Variants in UBXN2B observed in about 807,000 individuals in gnomAD.
The protein encoded by UBXN2B is UBX domain protein 2B.
Under a neutral mutation model 37.5 loss-of-function variants are expected in UBXN2B, and 19 were observed. That is an observed-to-expected ratio of 0.51 (90% CI 0.35 to 0.74). UBXN2B has a LOEUF of 0.74. Ranked by LOEUF, UBXN2B falls within the 30% of genes least tolerant of loss-of-function variation. UBXN2B has a pLI of 0.01. For missense variants in UBXN2B, 370 were observed against 393.2 expected (o/e 0.94, Z 0.50); for synonymous variants, 145 against 143.8 (o/e 1.01, Z -0.06).
intron 6 of UBXN2B, among the ~76,000 whole-genome samples, chr8:58,443,857 GT>G (rs576205298): frequency 1.6e-4 from 24 of 152,174 alleles, no homozygotes; most frequent in Non-Finnish European, 3.5e-4. Flanking sequence ...TTTTAGGCTG[GT>G]TTTTTAATAC....
chr8:58,437,285 GTGA>G (rs1393389273), intron 5 of UBXN2B, among the ~76,000 whole-genome samples: 1 of 147,004 alleles, frequency 6.8e-6, no homozygotes, highest in Non-Finnish European at 1.5e-5. Flanking sequence ...GAACTAAAGA[GTGA>G]TGATCTAGGG....
chr8:58,439,616 TC>T lies in UBXN2B; in HGVS notation c.534-11del, dbSNP rs751930484. The T allele has an allele frequency of 1.3e-6, 2 of 1,587,764 alleles. No homozygotes were observed. Among genetic ancestry groups the T allele is most frequent in the African/African-American group, 1.4e-5 (1 of 73,120 alleles). ...TTGGAAAACTTAATGATAACTTTTT[TC>T]CCCCCTTTTTAAAAGAGAGATTCCC... On this transcript the variant is annotated splice_polypyrimidine_tract_variant and intron_variant, in intron 5 of 7. Coordinates refer to ENST00000399598, the MANE Select transcript of UBXN2B (RefSeq NM_001077619.2).
intron 2 of UBXN2B, chr8:58,424,445 C>T (rs1274690493): frequency 9.4e-6 from 5 of 534,752 alleles, no homozygotes; most frequent in African/African-American, 5.8e-5. Context: ...TCAAATTTTG[C>T]TTATCAAAAG....
chr8:58,428,387 T>C (rs1032268624), intron 2 of UBXN2B, among the ~76,000 whole-genome samples: 2 of 152,176 alleles, frequency 1.3e-5, no homozygotes, highest in African/African-American at 4.8e-5. Context: ...AGTATACAAA[T>C]TGGAAATAAA....
chr8:58,417,310 A>G (rs1172567768), intron 2 of UBXN2B, among the ~76,000 whole-genome samples: 1 of 152,186 alleles, frequency 6.6e-6, no homozygotes, highest in African/African-American at 2.4e-5. Context: ...TGAAAGCTAT[A>G]GAATTCTCCT....
chr8:58,431,540 G>GT (rs551251181), intron 3 of UBXN2B, among the ~76,000 whole-genome samples: 409 of 152,202 alleles, frequency 2.7e-3, no homozygotes, highest in African/African-American at 9.3e-3. Flanking sequence ...TTGGGTACAG[G>GT]TTTTTTTACT....
rs34836809 is a variant in UBXN2B at position 58,433,611 on chromosome 8, T to TAAA, written c.423+386_423+388dup. Among the ~76,000 whole-genome samples the TAAA allele has an allele frequency of 2.9e-3, 337 of 118,008 alleles. 2 individuals carry two copies. Among genetic ancestry groups the TAAA allele is most frequent in the African/African-American group, 9.7e-3 (310 of 31,874 alleles). 77.4% of individuals were successfully genotyped at this position (118,008 alleles called of 152,430 possible). The stretch of plus-strand genomic sequence containing the variant: ...AAAACATAGCCAGACCCTATCTCTT[T>TAAA]AAAAAAAAAAAAAAAAAAAAGGTGT... On this transcript the variant is annotated intron_variant, in intron 4 of 7. Transcript: ENST00000399598.
At chr8:58,440,013 C>T (rs1482377474) in intron 6 of UBXN2B, among the ~76,000 whole-genome samples, 1 of 152,278 alleles carries the variant, frequency 6.6e-6, no homozygotes, top group East Asian at 1.9e-4. Context: ...TTGTGGCCCT[C>T]TAAGCCGTAT....
intron 2 of UBXN2B, among the ~76,000 whole-genome samples, chr8:58,418,410 C>G (rs1240036354): frequency 2.6e-5 from 4 of 152,144 alleles, no homozygotes; most frequent in African/African-American, 9.7e-5. Flanking sequence ...ACACAGAACT[C>G]TTCCCACCTT....
At chr8:58,427,273 C>T (rs1808126361) in intron 2 of UBXN2B, among the ~76,000 whole-genome samples, 1 of 152,144 alleles carries the variant, frequency 6.6e-6, no homozygotes, top group African/African-American at 2.4e-5. Context: ...AGTTCAAGAC[C>T]AGCCTGGTTA....
chr8:58,443,364 C>A (rs1204210964), intron 6 of UBXN2B, among the ~76,000 whole-genome samples: 2 of 152,034 alleles, frequency 1.3e-5, no homozygotes, highest in African/African-American at 2.4e-5. Flanking sequence ...CCTTGTTGTA[C>A]CAATTAATTT....
Position 58,450,160 on chromosome 8 carries a change from C to T in UBXN2B, c.*2609C>T, listed in dbSNP as rs1482730615. 1 of 152,170 alleles carries T rather than the reference C, an allele frequency of 6.6e-6. No individual in the cohort carries two copies. Among genetic ancestry groups the T allele is most frequent in the Non-Finnish European group, 1.5e-5 (1 of 68,018 alleles). The allele number at this position is 152,170 out of a possible 1,614,324, so 9.4% of individuals were successfully genotyped here. A position where few individuals can be genotyped will look rare whatever the true frequency, so the allele number is the denominator to read the frequency against. Reference sequence around the variant, plus strand: ...AGTAAAGGCTGTCCTGACGGTGAATCTTAGTTTTAGTGGCTTTTGCCATTT... The same window carrying T: ...AGTAAAGGCTGTCCTGACGGTGAATTTTAGTTTTAGTGGCTTTTGCCATTT... On this transcript the variant is annotated 3_prime_UTR_variant, in exon 8 of 8. Coordinates refer to ENST00000399598, the MANE Select transcript of UBXN2B (RefSeq NM_001077619.2).
intron 2 of UBXN2B, among the ~76,000 whole-genome samples, chr8:58,420,629 A>T (rs1483675699): frequency 2.0e-5 from 3 of 152,214 alleles, no homozygotes; most frequent in Non-Finnish European, 4.4e-5. Context: ...GCTTTTATTA[A>T]TAAAAGAATT....
At chr8:58,439,289 A>C (rs1056690436) in intron 5 of UBXN2B, among the ~76,000 whole-genome samples, 1 of 152,218 alleles carries the variant, frequency 6.6e-6, no homozygotes, top group African/African-American at 2.4e-5. Flanking sequence ...CGAGGAGTTT[A>C]TTAATAAATA....
intron 2 of UBXN2B, among the ~76,000 whole-genome samples, chr8:58,423,740 T>TG (rs1807996362): frequency 7.2e-6 from 1 of 138,774 alleles, no homozygotes; most frequent in Non-Finnish European, 1.6e-5. Context: ...CAGCCGGGGA[T>TG]GGGTTTTTTT....
At chr8:58,431,852 C>T (rs562097750) in intron 3 of UBXN2B, among the ~76,000 whole-genome samples, 4 of 152,246 alleles carry the variant, frequency 2.6e-5, no homozygotes, top group South Asian at 2.1e-4. Flanking sequence ...TGATGAACAT[C>T]GTTTCATGTG....
At chr8:58,435,174 A>C (rs1808380590) in intron 5 of UBXN2B, 1 of 1,311,984 alleles carries the variant, frequency 7.6e-7, no homozygotes, top group Non-Finnish European at 9.8e-7. Flanking sequence ...AAACTGGGGA[A>C]TTAAGTTGTA....
Position 58,418,670 on chromosome 8 carries a change from T to C in UBXN2B, c.188+1717T>C, listed in dbSNP as rs147309421. 3.7e-3 allele frequency among the ~76,000 whole-genome samples: 557 copies of C among 152,378 alleles called. 3 individuals carry two copies. The highest frequency in any genetic ancestry group is 5.9e-3 in the Non-Finnish European group (402 of 68,030). On this transcript the variant is annotated intron_variant, in intron 2 of 7. Coordinates refer to ENST00000399598, the MANE Select transcript of UBXN2B (RefSeq NM_001077619.2). ...TGATATGTTCATTTGGTTAAGGTGC[T>C]GACCACCACAGCACTCCATTGTAAG...
At chr8:58,414,842 G>A (rs549449071) in intron 1 of UBXN2B, among the ~76,000 whole-genome samples, 2 of 152,024 alleles carry the variant, frequency 1.3e-5, no homozygotes, top group East Asian at 3.9e-4. Context: ...CTTAATGTAT[G>A]TTCCACATTC....
Sources: allele counts gnomAD v4.1 joint callset (sites outside exome capture counted in the v4.1 genomes callset), GRCh38; gene constraint gnomAD v4.1.1; transcripts MANE v1.5; gene names NCBI Gene and HGNC (gene_info 2026-07-23, HGNC 2026-07-21).